FBXL17: variants seen among roughly 807,000 people sequenced by gnomAD.
FBXL17 encodes the protein F-box/LRR-repeat protein 17.
A neutral mutation model predicts 66.2 loss-of-function variants in FBXL17; 22 were observed. The observed-to-expected ratio is 0.33, with a 90% CI of 0.24 to 0.47. The LOEUF (loss-of-function observed/expected upper bound fraction) is 0.47, where lower values mean the gene tolerates loss of function less well. Ranked by LOEUF, FBXL17 falls within the 20% of genes least tolerant of loss-of-function variation. The probability of loss-of-function intolerance (pLI) is 1.00; values close to 1 mark genes in which losing one functional copy is unlikely to be tolerated. For synonymous variants in FBXL17, 474 were observed against 400.5 expected (o/e 1.18, Z -2.19); for missense variants, 878 against 948.2 (o/e 0.93, Z 0.97).
At chr5:108,363,344 G>C (rs775335023) in intron 3 of FBXL17, among the ~76,000 whole-genome samples, 1 of 151,868 alleles carries the variant, frequency 6.6e-6, no homozygotes, top group African/African-American at 2.4e-5. Context: ...TATGAAATCA[G>C]ACATACCCAG....
At chr5:108,043,113 G>A (rs1354049926) in intron 6 of FBXL17, among the ~76,000 whole-genome samples, 1 of 152,024 alleles carries the variant, frequency 6.6e-6, no homozygotes, top group Non-Finnish European at 1.5e-5. Flanking sequence ...TTCTATATGC[G>A]ATACGTTAGT....
intron 7 of FBXL17, among the ~76,000 whole-genome samples, chr5:108,007,934 G>A (rs532558632): frequency 7.0e-4 from 106 of 152,304 alleles, no homozygotes; most frequent in Admixed American, 1.4e-3. Context: ...AATGATGAAT[G>A]TGATGGATAA....
chr5:107,919,835 G>C (rs1580712415), intron 7 of FBXL17, among the ~76,000 whole-genome samples: 1 of 152,116 alleles, frequency 6.6e-6, no homozygotes, highest in African/African-American at 2.4e-5. Flanking sequence ...CTTACCAACT[G>C]ATTGTATTTA....
chr5:107,869,934 T>C (rs893604905), intron 8 of FBXL17, among the ~76,000 whole-genome samples: 6 of 152,190 alleles, frequency 3.9e-5, no homozygotes, highest in African/African-American at 1.2e-4. Context: ...TTTACTGACA[T>C]GGGATGAATT....
intron 6 of FBXL17, among the ~76,000 whole-genome samples, chr5:108,043,514 C>A (rs1294694702): frequency 6.6e-6 from 1 of 152,144 alleles, no homozygotes; most frequent in Non-Finnish European, 1.5e-5. Flanking sequence ...GCATTTGCAT[C>A]TTTGGCAAAC....
intron 7 of FBXL17, among the ~76,000 whole-genome samples, chr5:107,966,891 T>C (rs1267418604): frequency 6.6e-6 from 1 of 152,122 alleles, no homozygotes; most frequent in East Asian, 1.9e-4. Flanking sequence ...AATTGAAATG[T>C]GTGTTTCTTT....
At chr5:108,199,103 A>T (rs1307113160) in intron 5 of FBXL17, among the ~76,000 whole-genome samples, 1 of 152,158 alleles carries the variant, frequency 6.6e-6, no homozygotes, top group East Asian at 1.9e-4. Flanking sequence ...TAAAAATAAC[A>T]ATATCTAGTA....
intron 7 of FBXL17, among the ~76,000 whole-genome samples, chr5:107,978,487 A>G (rs1425435506): frequency 6.6e-6 from 1 of 152,096 alleles, no homozygotes; most frequent in South Asian, 2.1e-4. Context: ...TAACTTCCCC[A>G]TTACTCCTGT....
chr5:107,988,024 A>T (rs1432501159), intron 7 of FBXL17, among the ~76,000 whole-genome samples: 1 of 152,046 alleles, frequency 6.6e-6, no homozygotes, highest in African/African-American at 2.4e-5. Flanking sequence ...TTTGAAAACG[A>T]ACACACAAAA....
At chr5:108,131,979 CTTT>C (rs35305637) in intron 6 of FBXL17, among the ~76,000 whole-genome samples, 15 of 143,146 alleles carry the variant, frequency 1.0e-4, no homozygotes, top group Non-Finnish European at 1.2e-4. Context: ...GAAGAAAGTC[CTTT>C]TTTTTTTTTT....
At chr5:108,073,141 G>A (rs1306677268) in intron 6 of FBXL17, among the ~76,000 whole-genome samples, 1 of 152,040 alleles carries the variant, frequency 6.6e-6, no homozygotes, top group Non-Finnish European at 1.5e-5. Context: ...AATAAAAAAT[G>A]AAAAACTCTG....
At chr5:108,297,753 T>C in intron 4 of FBXL17, 1 of 657,554 alleles carries the variant, frequency 1.5e-6, no homozygotes, top group East Asian at 1.4e-4. Context: ...AAAAAAAGTT[T>C]ATTCATAACA....
intron 1 of FBXL17, among the ~76,000 whole-genome samples, chr5:108,380,045 A>G (rs1397580): frequency 0.051 from 7,800 of 152,286 alleles, 296 homozygotes; most frequent in Non-Finnish European, 0.076. Flanking sequence ...GACCTTGCAC[A>G]AGTCATTCAA....
At chr5:108,329,009 T>A (rs935440778) in intron 4 of FBXL17, among the ~76,000 whole-genome samples, 1 of 152,086 alleles carries the variant, frequency 6.6e-6, no homozygotes, top group Non-Finnish European at 1.5e-5. Flanking sequence ...TATCCTTTGA[T>A]CTTCCCAATT....
chr5:108,015,043 C>T (rs929187194), intron 7 of FBXL17, among the ~76,000 whole-genome samples: 1 of 152,164 alleles, frequency 6.6e-6, no homozygotes, highest in South Asian at 2.1e-4. Flanking sequence ...ATTATGGGAG[C>T]TACAATTCAA....
intron 4 of FBXL17, among the ~76,000 whole-genome samples, chr5:108,262,906 A>G (rs1416754312): frequency 1.3e-5 from 2 of 152,222 alleles, no homozygotes; most frequent in Non-Finnish European, 2.9e-5. Context: ...AAAGTGTTAA[A>G]TTATACAGTG....
intron 6 of FBXL17, among the ~76,000 whole-genome samples, chr5:108,146,559 T>C (rs1009820593): frequency 6.6e-6 from 1 of 152,046 alleles, no homozygotes; most frequent in African/African-American, 2.4e-5. Flanking sequence ...TTTCTTTGAG[T>C]TTTATAAACC....
chr5:107,947,457 C>A (rs1329893501), intron 7 of FBXL17, among the ~76,000 whole-genome samples: 1 of 152,216 alleles, frequency 6.6e-6, no homozygotes, highest in Non-Finnish European at 1.5e-5. Flanking sequence ...GGCTCATTAT[C>A]TTGACTGACC....
intron 6 of FBXL17, among the ~76,000 whole-genome samples, chr5:108,142,718 C>G (rs943828709): frequency 1.3e-5 from 2 of 152,178 alleles, no homozygotes; most frequent in African/African-American, 2.4e-5. Context: ...AAAGTCCTTA[C>G]ACAAGGAGTC....
Sources: gnomAD v4.1 joint callset for allele counts (sites outside exome capture counted in the v4.1 genomes callset) on GRCh38, gnomAD v4.1.1 for gene constraint, MANE v1.5 for transcripts, NCBI Gene and HGNC (gene_info 2026-07-23, HGNC 2026-07-21) for gene names.